The following DYM variants were observed in gnomAD, a reference collection of about 807,000 sequenced individuals.
DYM encodes the protein dyggve-Melchior-Clausen syndrome protein.
In DYM, 78 loss-of-function variants were observed where a neutral mutation model predicts 93.1. The ratio of observed to expected loss-of-function variants is 0.84; its 90% CI spans 0.70 to 1.01. The LOEUF (loss-of-function observed/expected upper bound fraction) is 1.01, where lower values mean the gene tolerates loss of function less well. Among genes scored for constraint, DYM ranks in the 50% least tolerant of loss-of-function variants. The probability of loss-of-function intolerance (pLI) is 0.00; values close to 1 mark genes in which losing one functional copy is unlikely to be tolerated. For missense variants in DYM, 789 were observed against 845.0 expected, an observed-to-expected ratio of 0.93 and a Z score of 0.82; for synonymous variants, 321 against 319.7, an observed-to-expected ratio of 1.00 and a Z score of -0.04.
intron 14 of DYM, among the ~76,000 whole-genome samples, chr18:49,198,260 C>T (rs1374096277): frequency 1.3e-5 from 2 of 152,144 alleles, no homozygotes; most frequent in East Asian, 1.9e-4. Flanking sequence ...AGATGTTAGA[C>T]CTAAAACCAT....
At chr18:49,118,998 G>T in intron 15 of DYM, 72 bp from the exon 16 acceptor site, 2 of 1,282,402 alleles carry the variant, frequency 1.6e-6, no homozygotes, top group Non-Finnish European at 2.2e-6. Context: ...GAAAATAAGA[G>T]TAATTCCCTC....
intron 8 of DYM, among the ~76,000 whole-genome samples, chr18:49,326,595 C>G (rs1227955921): frequency 6.6e-6 from 1 of 152,044 alleles, no homozygotes; most frequent in African/African-American, 2.4e-5. Flanking sequence ...TGATTGAATG[C>G]CAACCAAGCA....
chr18:49,351,357 C>A (rs901166162), intron 6 of DYM, among the ~76,000 whole-genome samples: 5 of 151,290 alleles, frequency 3.3e-5, no homozygotes, highest in South Asian at 2.1e-4. Context: ...GGCAACAGAG[C>A]GAGACTCTGT....
chr18:49,454,278 G>A (rs896211155), intron 1 of DYM, among the ~76,000 whole-genome samples: 1 of 152,188 alleles, frequency 6.6e-6, no homozygotes, highest in Non-Finnish European at 1.5e-5. Flanking sequence ...AAGGGCATGG[G>A]AGTCCTCAGT....
chr18:49,232,587 C>T (rs1381021405), intron 13 of DYM, among the ~76,000 whole-genome samples: 1 of 147,174 alleles, frequency 6.8e-6, no homozygotes, highest in Non-Finnish European at 1.5e-5. Context: ...CAGGCGTGAG[C>T]CACTGTGCCC....
At chr18:49,293,971 C>T (rs924910859) in intron 8 of DYM, among the ~76,000 whole-genome samples, 11 of 152,076 alleles carry the variant, frequency 7.2e-5, no homozygotes, top group African/African-American at 2.7e-4. Flanking sequence ...GCTCTTTAAT[C>T]CATCTTGAGT....
chr18:49,055,434 C>G (rs117165662), intron 17 of DYM, among the ~76,000 whole-genome samples: 2,512 of 152,258 alleles, frequency 0.016, 28 homozygotes, highest in South Asian at 0.066. Context: ...ATTACTGAGT[C>G]AAACTGCCTG....
intron 15 of DYM, among the ~76,000 whole-genome samples, chr18:49,138,930 T>C (rs1382712186): frequency 6.6e-6 from 1 of 152,076 alleles, no homozygotes; most frequent in Non-Finnish European, 1.5e-5. Context: ...ATACCAGAAA[T>C]AGGAGAAAAG....
rs554040546 is a variant in DYM, at chr18:49,148,957, G to A, written c.1728+14728C>T. On this transcript the variant is annotated intron_variant, in intron 15 of 17. Transcript: ENST00000675505. ...ACTTTATTTCTATTATTATTACATTGTAATATTTAATGAAATAATTATACA... is the reference window on the plus strand; with the variant it reads ...ACTTTATTTCTATTATTATTACATTATAATATTTAATGAAATAATTATACA... 7.4e-4 allele frequency among the ~76,000 whole-genome samples: 112 copies of A among 152,174 alleles called. 2 individuals are homozygous for A. The highest frequency in any genetic ancestry group is 2.7e-3 in the African/African-American group (111 of 41,492).
intron 11 of DYM, among the ~76,000 whole-genome samples, chr18:49,264,981 G>A (rs574208572): frequency 3.3e-5 from 5 of 152,162 alleles, no homozygotes; most frequent in Admixed American, 1.3e-4. Context: ...TCATTTAACC[G>A]TTACCACAGG....
chr18:49,400,493 G>T (rs1162657577), intron 2 of DYM, among the ~76,000 whole-genome samples: 1 of 152,126 alleles, frequency 6.6e-6, no homozygotes, highest in East Asian at 1.9e-4. Context: ...AGCTCCAAGA[G>T]AACAGGAAGA....
chr18:49,308,307 TA>T (rs2061390245), intron 8 of DYM, among the ~76,000 whole-genome samples: 2 of 152,004 alleles, frequency 1.3e-5, no homozygotes, highest in African/African-American at 4.8e-5. Flanking sequence ...TATATATATA[TA>T]TGTATATCTT....
intron 2 of DYM, among the ~76,000 whole-genome samples, chr18:49,421,394 A>G (rs2073691903): frequency 6.6e-6 from 1 of 152,176 alleles, no homozygotes; most frequent in African/African-American, 2.4e-5. Flanking sequence ...CAGCGTCTGG[A>G]GTGGACCTCC....
chr18:49,370,051 C>T (rs755523191), intron 5 of DYM, among the ~76,000 whole-genome samples: 6 of 152,090 alleles, frequency 3.9e-5, no homozygotes, highest in Non-Finnish European at 7.4e-5. Flanking sequence ...CCGAGATGGG[C>T]GGACCACTTG....
intron 10 of DYM, among the ~76,000 whole-genome samples, chr18:49,275,311 A>G (rs2145606744): frequency 6.6e-6 from 1 of 152,260 alleles, no homozygotes; most frequent in East Asian, 1.9e-4. Context: ...CTCTCAATTC[A>G]ACTCCATTGA....
chr18:49,427,221 T>G (rs1444765926), intron 2 of DYM, among the ~76,000 whole-genome samples: 1 of 152,188 alleles, frequency 6.6e-6, no homozygotes, highest in Non-Finnish European at 1.5e-5. Flanking sequence ...AAACCTCATT[T>G]CCAATTTACG....
At chr18:49,272,363 A>C in intron 10 of DYM, 60 bp from the exon 11 acceptor site, 1 of 1,124,634 alleles carries the variant, frequency 8.9e-7, no homozygotes. Context: ...CAAATGTTTT[A>C]AATCTTTACA....
At chr18:49,209,385 G>C (rs1021909433) in intron 14 of DYM, among the ~76,000 whole-genome samples, 166 bp downstream of exon 14, 1 of 152,180 alleles carries the variant, frequency 6.6e-6, no homozygotes, top group Non-Finnish European at 1.5e-5. Flanking sequence ...GAAGACATTT[G>C]TAAGGAAACA....
At chr18:49,308,261 A>T (rs192209257) in intron 8 of DYM, among the ~76,000 whole-genome samples, 5 of 148,982 alleles carry the variant, frequency 3.4e-5, no homozygotes, top group Admixed American at 2.1e-4. Context: ...AAAATTTTAT[A>T]AACAGACATT....
Sources: allele counts gnomAD v4.1 joint callset (sites outside exome capture counted in the v4.1 genomes callset), GRCh38; gene constraint gnomAD v4.1.1; transcripts MANE v1.5; gene names NCBI Gene and HGNC (gene_info 2026-07-23, HGNC 2026-07-21).